The following RNF144B variants were observed in gnomAD, a reference collection of about 807,000 sequenced individuals.
The protein encoded by RNF144B is E3 ubiquitin-protein ligase RNF144B.
A neutral mutation model predicts 40.2 loss-of-function variants in RNF144B; 25 were observed. That is an observed-to-expected ratio of 0.62 (90% CI 0.45 to 0.87). The LOEUF (loss-of-function observed/expected upper bound fraction) is 0.87. Among genes scored for constraint, RNF144B ranks in the 40% least tolerant of loss-of-function variants. The pLI is 0.00. For missense variants in RNF144B, 365 were observed against 373.7 expected, an observed-to-expected ratio of 0.98 and a Z score of 0.19; for synonymous variants, 145 against 136.3, an observed-to-expected ratio of 1.06 and a Z score of -0.44.
At chr6:18,426,620 C>CT in intron 2 of RNF144B, among the ~76,000 whole-genome samples, 1 of 152,084 alleles carries the variant, frequency 6.6e-6, no homozygotes. Flanking sequence ...CTCTGGGTTT[C>CT]TTTTTTCTTT....
chr6:18,457,152 T>C lies in RNF144B; in HGVS notation c.332-3T>C, dbSNP rs1238319659. On this transcript the variant is annotated splice_region_variant and splice_polypyrimidine_tract_variant and intron_variant, in intron 4 of 7. Transcript: ENST00000259939. The surrounding 1 kb of genome is among the most constrained non-coding windows in gnomAD (Gnocchi z 5.1). ...CATCACATTTTCTTTCTTTACACTTTAGAAGTTCATCTGGACCCCTACCGA... is the reference window on the plus strand; with the variant it reads ...CATCACATTTTCTTTCTTTACACTTCAGAAGTTCATCTGGACCCCTACCGA... The C allele has an allele frequency of 1.2e-6, 2 of 1,610,328 alleles. No homozygotes were observed. Among genetic ancestry groups the C allele is most frequent in the South Asian group, 1.1e-5 (1 of 91,004 alleles).
At position 18,456,295 on chromosome 6, in the gene RNF144B, A is replaced by T. The variant is rs1759324503; in HGVS notation, c.332-860A>T. Among the ~76,000 whole-genome samples, 1 of 152,220 alleles carries T rather than the reference A, an allele frequency of 6.6e-6. No individual in the cohort carries two copies. The highest frequency in any genetic ancestry group is 1.5e-5 in the Non-Finnish European group (1 of 68,022). The stretch of plus-strand genomic sequence containing the variant: ...AGCAGAATATCCAAACTGACAGGTA[A>T]TCCAACTTCTTGGCTAAGCCACACC... On this transcript the variant is annotated intron_variant, in intron 4 of 7. Transcript: ENST00000259939. The surrounding 1 kb of genome is among the most constrained non-coding windows in gnomAD (Gnocchi z 4.7).
intron 3 of RNF144B, among the ~76,000 whole-genome samples, chr6:18,437,511 G>A (rs1418307056): frequency 6.6e-6 from 1 of 152,016 alleles, no homozygotes; most frequent in African/African-American, 2.4e-5. Flanking sequence ...GCATTCTATG[G>A]GTGTCTTCAT....
chr6:18,407,452 T>C (rs949308727), intron 2 of RNF144B, among the ~76,000 whole-genome samples: 1 of 152,182 alleles, frequency 6.6e-6, no homozygotes, highest in African/African-American at 2.4e-5. Context: ...TCTAGATAAA[T>C]TACTTAGTAC....
chr6:18,437,414 G>C (rs909652164), intron 3 of RNF144B, among the ~76,000 whole-genome samples: 1 of 152,086 alleles, frequency 6.6e-6, no homozygotes, highest in Admixed American at 6.6e-5. Flanking sequence ...CTCCAGCCTG[G>C]GTTGACAAAG....
intron 4 of RNF144B, among the ~76,000 whole-genome samples, chr6:18,453,440 C>CT (rs988470584): frequency 4.0e-4 from 61 of 150,834 alleles, no homozygotes; most frequent in Admixed American, 9.3e-4. Context: ...ACCCAGCCTG[C>CT]TTTTTTTTTG....
At chr6:18,461,663 T>C (rs1251491615) in intron 6 of RNF144B, among the ~76,000 whole-genome samples, 1 of 152,230 alleles carries the variant, frequency 6.6e-6, no homozygotes. Context: ...CTTCAAATAT[T>C]GAAGCATCTT....
rs183169005 is a variant in RNF144B, at chr6:18,452,510, C to T, written c.332-4645C>T. 1.3e-3 allele frequency among the ~76,000 whole-genome samples: 197 copies of T among 152,154 alleles called. 1 individual carries two copies. Among genetic ancestry groups the T allele is most frequent in the Non-Finnish European group, 2.4e-3 (166 of 68,002 alleles). ...ACAAAGGGGAAATTTGAATGTGTTT[C>T]AGTATTATAAAAAAGTAAATGATTT... On this transcript the variant is annotated intron_variant, in intron 4 of 7. Coordinates refer to ENST00000259939, the MANE Select transcript of RNF144B (RefSeq NM_182757.4).
rs1346656296 is a variant in RNF144B at position 18,468,599 on chromosome 6, ACTTTT to A, written c.*3537_*3541del. The A allele has an allele frequency of 6.6e-6, 1 of 152,144 alleles. No individual in the cohort carries two copies. Among genetic ancestry groups the A allele is most frequent in the Non-Finnish European group, 1.5e-5 (1 of 68,034 alleles). 9.4% of individuals were successfully genotyped at this position (152,144 alleles called of 1,614,324 possible). On this transcript the variant is annotated 3_prime_UTR_variant, in exon 8 of 8. Transcript: ENST00000259939. ...CTTCCCTACACAGTACTAATAAAAGACTTTTCTTTCTGTTCATGAATGGATGCCTT... is the reference window on the plus strand; with the variant it reads ...CTTCCCTACACAGTACTAATAAAAGACTTTCTGTTCATGAATGGATGCCTT...
chr6:18,447,811 A>G lies in RNF144B; in HGVS notation c.331+8067A>G, dbSNP rs960905413. 2.0e-5 allele frequency among the ~76,000 whole-genome samples: 3 copies of G among 152,206 alleles called. No homozygotes were observed. Among genetic ancestry groups the G allele is most frequent in the African/African-American group, 7.2e-5 (3 of 41,454 alleles). On this transcript the variant is annotated intron_variant, in intron 4 of 7. Coordinates refer to ENST00000259939, the MANE Select transcript of RNF144B (RefSeq NM_182757.4). This position sits in a 1 kb window ranked among gnomAD's most constrained non-coding sequence, Gnocchi z 5.6. ...GAATGAGCGCATCTAAGAATTAAAC[A>G]TAGCTAAAGAAGCAGTTTCAGGACT...
intron 4 of RNF144B, among the ~76,000 whole-genome samples, chr6:18,452,332 C>T (rs1037632041): frequency 1.3e-5 from 2 of 152,134 alleles, no homozygotes; most frequent in South Asian, 2.1e-4. Context: ...AACAAGATGC[C>T]GATTCTGTGC....
At chr6:18,403,843 A>G (rs1183686957) in intron 2 of RNF144B, among the ~76,000 whole-genome samples, 1 of 152,226 alleles carries the variant, frequency 6.6e-6, no homozygotes, top group Non-Finnish European at 1.5e-5. Context: ...ACAGCAGAGA[A>G]GGTCAAAGGG....
At position 18,406,045 on chromosome 6, in the gene RNF144B, T is replaced by A. The variant is rs781591960; in HGVS notation, c.165+6346T>A. 1 of 518,874 alleles carries A rather than the reference T, an allele frequency of 1.9e-6. No individual in the cohort carries two copies. Among genetic ancestry groups the A allele is most frequent in the Non-Finnish European group, 3.8e-6 (1 of 259,790 alleles). 32.1% of individuals were successfully genotyped at this position (518,874 alleles called of 1,614,324 possible). On this transcript the variant is annotated intron_variant, in intron 2 of 7. Transcript: ENST00000259939. This position sits in a 1 kb window ranked among gnomAD's most constrained non-coding sequence, Gnocchi z 4.2. ...AGAATGGGTCTCAAGTTTGGTAGCT[T>A]AGGCTTTATTTATTCAACAAATATT...
Position 18,465,148 on chromosome 6 carries a change from T to C in RNF144B, c.*81T>C. ...TAAAGCCCCATTTAGTGACCTTGCC[T>C]CCTTCTCCTTGCCAACTTTGAAAGT... On this transcript the variant is annotated 3_prime_UTR_variant, in exon 8 of 8. Coordinates refer to ENST00000259939, the MANE Select transcript of RNF144B (RefSeq NM_182757.4). 2.1e-6 allele frequency: 3 copies of C among 1,444,680 alleles called. No homozygotes were observed. Among genetic ancestry groups the C allele is most frequent in the Non-Finnish European group, 2.8e-6 (3 of 1,055,986 alleles). 89.5% of individuals were successfully genotyped at this position (1,444,680 alleles called of 1,614,324 possible). A position where few individuals can be genotyped will look rare whatever the true frequency, so the allele number is the denominator to read the frequency against.
At chr6:18,403,171 T>C (rs1794826108) in intron 2 of RNF144B, among the ~76,000 whole-genome samples, 1 of 152,250 alleles carries the variant, frequency 6.6e-6, no homozygotes, top group Non-Finnish European at 1.5e-5. Flanking sequence ...TTTTCTGGGT[T>C]TGCAATGCGT....
rs1759548372 is a variant in RNF144B at position 18,465,071 on chromosome 6, T to G, written c.*4T>G. 6.2e-7 allele frequency: 1 copy of G among 1,613,316 alleles called. No individual in the cohort carries two copies. The highest frequency in any genetic ancestry group is 1.7e-5 in the Admixed American group (1 of 59,908). ...GCACGACCCATCCACAACCTAAAGA[T>G]CTCTGTGTTCATACGCCCCAGATAT... On this transcript the variant is annotated 3_prime_UTR_variant, in exon 8 of 8. Transcript: ENST00000259939.
intron 1 of RNF144B, among the ~76,000 whole-genome samples, chr6:18,390,406 T>A (rs75706944): frequency 2.6e-5 from 4 of 152,196 alleles, no homozygotes; most frequent in African/African-American, 4.8e-5. Flanking sequence ...TATTAAAAAA[T>A]GGATAACTAT....
intron 2 of RNF144B, among the ~76,000 whole-genome samples, chr6:18,404,872 G>A (rs911958019): frequency 1.3e-5 from 2 of 152,050 alleles, no homozygotes; most frequent in African/African-American, 2.4e-5. Context: ...TGTTAGTCTA[G>A]TATCATTTTA....
At chr6:18,399,989 T>C (rs535432571) in intron 2 of RNF144B, among the ~76,000 whole-genome samples, 81 of 152,264 alleles carry the variant, frequency 5.3e-4, no homozygotes, top group African/African-American at 1.9e-3. Context: ...TTTAACATGC[T>C]GGCCAGGTGC....
Sources: allele counts gnomAD v4.1 joint callset (sites outside exome capture counted in the v4.1 genomes callset), GRCh38; gene constraint gnomAD v4.1.1; non-coding constraint Gnocchi (gnomAD v3.1); transcripts MANE v1.5; gene names NCBI Gene and HGNC (gene_info 2026-07-23, HGNC 2026-07-21).